The following CD300C variants were observed in gnomAD, a reference collection of about 807,000 sequenced individuals.
CD300C encodes CMRF35-like molecule 6.
A neutral mutation model predicts 18.4 loss-of-function variants in CD300C; 11 were observed. That is an observed-to-expected ratio of 0.60 (90% CI 0.38 to 0.99). CD300C has a LOEUF of 0.99. Among genes scored for constraint, CD300C ranks in the 50% least tolerant of loss-of-function variants. The pLI, the probability that CD300C is intolerant of heterozygous loss-of-function variation, is 0.01. For synonymous variants in CD300C, 116 were observed against 116.3 expected, an observed-to-expected ratio of 1.00 and a Z score of 0.02; for missense variants, 277 against 287.4, an observed-to-expected ratio of 0.96 and a Z score of 0.26.
downstream of CD300C, among the ~76,000 whole-genome samples, chr17:74,536,887 A>C (rs138678923): frequency 5.8e-4 from 88 of 152,288 alleles, no homozygotes; most frequent in African/African-American, 2.0e-3. Flanking sequence ...ACTTTTGGAC[A>C]GACAAAATTA....
chr17:74,544,990 C>T, intron 1 of CD300C, 43 bp from the exon 2 acceptor site: 2 of 1,547,656 alleles, frequency 1.3e-6, no homozygotes, highest in South Asian at 1.2e-5. Flanking sequence ...ACCAGAGGGG[C>T]CTGGTCAGGG....
chr17:74,540,889 T>A (rs1908522842), downstream of CD300C, among the ~76,000 whole-genome samples: 1 of 152,050 alleles, frequency 6.6e-6, no homozygotes, highest in Non-Finnish European at 1.5e-5. Context: ...TTCTACCAGC[T>A]CTCCCAGAGG....
At chr17:74,544,564 C>T (rs1272450409) in intron 2 of CD300C, 45 bp downstream of exon 2, 13 of 1,573,426 alleles carry the variant, frequency 8.3e-6, no homozygotes, top group Admixed American at 1.7e-5. Context: ...GAATGACCAG[C>T]CCTAGGCTCA....
At chr17:74,537,314 A>T (rs980037623), downstream of CD300C, among the ~76,000 whole-genome samples, 1 of 152,236 alleles carries the variant, frequency 6.6e-6, no homozygotes, top group African/African-American at 2.4e-5. Flanking sequence ...AAGAAGTGAC[A>T]CATCAGTGCG....
At chr17:74,540,641 C>A (rs561269617), downstream of CD300C, among the ~76,000 whole-genome samples, 10 of 152,276 alleles carry the variant, frequency 6.6e-5, no homozygotes, top group South Asian at 2.1e-3. Flanking sequence ...ATCATGGCGA[C>A]CCTGGAACTG....
chr17:74,535,394 A>G, the CD300C span, among the ~76,000 whole-genome samples: 2 of 150,238 alleles, frequency 1.3e-5, no homozygotes, highest in Non-Finnish European at 3.0e-5. Context: ...ACTTGAAACC[A>G]GAAGGCGGAG....
intron 2 of CD300C, 38 bp from the exon 3 acceptor site, chr17:74,543,025 A>G (rs1908614096): frequency 2.5e-6 from 4 of 1,611,210 alleles, no homozygotes; most frequent in Non-Finnish European, 3.4e-6. Flanking sequence ...ATGACATCAC[A>G]TGGGTCTCCC....
At chr17:74,545,279 T>C (rs1467789892) in intron 1 of CD300C, among the ~76,000 whole-genome samples, 1 of 151,486 alleles carries the variant, frequency 6.6e-6, no homozygotes, top group Non-Finnish European at 1.5e-5. Context: ...TGTGTGTGCA[T>C]GTGTGACTGT....
At position 74,541,754 on chromosome 17, in the gene CD300C, C is replaced by T. The variant is rs574612163; in HGVS notation, c.528-18G>A. ...ACAGGGAGCTGTGGGGACACGGTGA[C>T]AGGCAGTGAGTCACCTCCCCAGGGG... On this transcript the variant is annotated intron_variant, in intron 3 of 3. Coordinates refer to ENST00000330793, the MANE Select transcript of CD300C (RefSeq NM_006678.5). 14 of 1,607,884 alleles carry T rather than the reference C, an allele frequency of 8.7e-6. No individual in the cohort carries two copies. Among genetic ancestry groups the T allele is most frequent in the African/African-American group, 5.3e-5 (4 of 74,816 alleles).
chr17:74,540,943 A>T (rs1311574791), downstream of CD300C, among the ~76,000 whole-genome samples: 1 of 152,132 alleles, frequency 6.6e-6, no homozygotes, highest in African/African-American at 2.4e-5. Context: ...GAAGGAGGGA[A>T]TAGTCAGGCT....
chr17:74,544,169 C>T (rs547818829), intron 2 of CD300C, among the ~76,000 whole-genome samples: 6 of 152,270 alleles, frequency 3.9e-5, no homozygotes, highest in South Asian at 2.1e-4. Context: ...TCCAATTCCC[C>T]GTGGGGAAGA....
chr17:74,544,865 T>C lies in CD300C; in HGVS notation c.144A>G (p.Glu48=). The change falls in exon 2 of 4, where the codon GAA becomes GAG. Residue 48 remains glutamate (E), a synonymous_variant. Coordinates refer to ENST00000330793, the MANE Select transcript of CD300C (RefSeq NM_006678.5). ...ACCAGAATTTGTTGAGGGTCCTGTG[T>C]TCCTTCTCATAGCGACACTGCACAC... ...SLSVQCRYEK[E]HRTLNKFWCR... is the part of the protein sequence containing the mutation. 6.2e-7 allele frequency: 1 copy of C among 1,614,210 alleles called. No homozygotes were observed. The highest frequency in any genetic ancestry group is 8.5e-7 in the Non-Finnish European group (1 of 1,180,030).
At chr17:74,539,517 C>A (rs138457215), downstream of CD300C, among the ~76,000 whole-genome samples, 270 of 152,312 alleles carry the variant, frequency 1.8e-3, 6 homozygotes, top group East Asian at 0.045. Context: ...CTGACACACA[C>A]ACACGGCCCT....
At chr17:74,536,941 AAG>A (rs1436483253), downstream of CD300C, among the ~76,000 whole-genome samples, 5 of 151,286 alleles carry the variant, frequency 3.3e-5, 1 homozygote, top group African/African-American at 4.9e-5. Context: ...GCAACACAAA[AAG>A]AAGAGAAGGA....
At chr17:74,538,148 A>G (rs1401778879), downstream of CD300C, among the ~76,000 whole-genome samples, 1 of 152,182 alleles carries the variant, frequency 6.6e-6, no homozygotes, top group African/African-American at 2.4e-5. Context: ...AAAGCCTCCA[A>G]ATCTTCTGAT....
At chr17:74,540,528 G>A (rs1024970214), downstream of CD300C, among the ~76,000 whole-genome samples, 3 of 152,000 alleles carry the variant, frequency 2.0e-5, no homozygotes, top group Admixed American at 6.6e-5. Flanking sequence ...AGCATCTGCC[G>A]AATGGAAAAA....
At position 74,545,065 on chromosome 17, in the gene CD300C, C is replaced by T. The variant is rs919232959; in HGVS notation, c.62-118G>A. ...GAGAAGGCAATGGCAGGCAGGCAGC[C>T]TTTGTCCACCCAGGAACAGGGACTG... On this transcript the variant is annotated intron_variant, in intron 1 of 3. Coordinates refer to ENST00000330793, the MANE Select transcript of CD300C (RefSeq NM_006678.5). The T allele has an allele frequency of 9.9e-6, 9 of 908,976 alleles. No homozygotes were observed. In the Admixed American group the frequency reaches 2.5e-4, roughly 25 times the overall value. The allele number at this position is 908,976 out of a possible 1,614,324, so 56.3% of individuals were successfully genotyped here.
chr17:74,541,001 G>T (rs1172341268), downstream of CD300C: 1 of 152,416 alleles, frequency 6.6e-6, no homozygotes, highest in African/African-American at 2.4e-5. Context: ...CATTCCGAGA[G>T]GCCTAACATG....
chr17:74,545,426 G>A (rs1312273414), intron 1 of CD300C, among the ~76,000 whole-genome samples: 1 of 152,126 alleles, frequency 6.6e-6, no homozygotes, highest in Non-Finnish European at 1.5e-5. Flanking sequence ...GTGACTGTGT[G>A]TGTGATCGTC....
Sources: gnomAD v4.1 joint callset for allele counts (sites outside exome capture counted in the v4.1 genomes callset) on GRCh38, gnomAD v4.1.1 for gene constraint, MANE v1.5 for transcripts, NCBI Gene and HGNC (gene_info 2026-07-23, HGNC 2026-07-21) for gene names.